ADAMTS19: variants seen among roughly 807,000 people sequenced by gnomAD.
ADAMTS19 encodes the protein A disintegrin and metalloproteinase with thrombospondin motifs 19.
In ADAMTS19, 93 loss-of-function variants were observed where a neutral mutation model predicts 153.3. The ratio of observed to expected loss-of-function variants is 0.61; its 90% CI spans 0.51 to 0.72. ADAMTS19 has a LOEUF of 0.72. ADAMTS19 is among the 30% of genes least tolerant of loss of function. The probability of loss-of-function intolerance (pLI) is 0.00; values close to 1 mark genes in which losing one functional copy is unlikely to be tolerated. For synonymous variants in ADAMTS19, 600 were observed against 556.6 expected, an observed-to-expected ratio of 1.08 and a Z score of -1.10; for missense variants, 1,482 against 1,552.1, an observed-to-expected ratio of 0.95 and a Z score of 0.76.
At chr5:129,552,625 T>A (rs2126825215) in intron 7 of ADAMTS19, among the ~76,000 whole-genome samples, 1 of 152,002 alleles carries the variant, frequency 6.6e-6, no homozygotes, top group East Asian at 1.9e-4. Flanking sequence ...AATTTTGGCA[T>A]ATCATGTAGG....
intron 19 of ADAMTS19, 54 bp from the exon 20 acceptor site, chr5:129,701,334 C>A: frequency 1.9e-6 from 3 of 1,589,216 alleles, no homozygotes; most frequent in Non-Finnish European, 2.6e-6. Flanking sequence ...CAGACTAATA[C>A]AAGTAGATAG....
At chr5:129,465,515 T>C (rs1749826356) in intron 2 of ADAMTS19, among the ~76,000 whole-genome samples, 1 of 152,208 alleles carries the variant, frequency 6.6e-6, no homozygotes, top group East Asian at 1.9e-4. Flanking sequence ...GTCTTTTTGA[T>C]TAGCTTTTGA....
intron 2 of ADAMTS19, among the ~76,000 whole-genome samples, chr5:129,499,981 G>T (rs1193357452): frequency 6.6e-6 from 1 of 152,160 alleles, no homozygotes; most frequent in East Asian, 1.9e-4. Context: ...AGACTCAAGG[G>T]TCATAATAAA....
chr5:129,691,177 A>C (rs1347564303), intron 18 of ADAMTS19, among the ~76,000 whole-genome samples: 1 of 152,246 alleles, frequency 6.6e-6, no homozygotes, highest in Non-Finnish European at 1.5e-5. Context: ...AAATTTCCAA[A>C]GCACAAAGAG....
chr5:129,543,350 C>A (rs957019110), intron 6 of ADAMTS19, among the ~76,000 whole-genome samples: 8 of 151,974 alleles, frequency 5.3e-5, no homozygotes, highest in African/African-American at 1.9e-4. Flanking sequence ...CTGCACCCAG[C>A]CTGGATTAAC....
At chr5:129,707,604 A>C (rs1756227221) in intron 21 of ADAMTS19, among the ~76,000 whole-genome samples, 1 of 152,200 alleles carries the variant, frequency 6.6e-6, no homozygotes, top group Non-Finnish European at 1.5e-5. Flanking sequence ...TGCCATGATT[A>C]AGTTTCAGTG....
chr5:129,598,828 C>T (rs576636412), intron 8 of ADAMTS19, among the ~76,000 whole-genome samples: 2 of 152,254 alleles, frequency 1.3e-5, no homozygotes, highest in African/African-American at 4.8e-5. Flanking sequence ...TGCATATCCC[C>T]AAATCCATGC....
intron 6 of ADAMTS19, among the ~76,000 whole-genome samples, chr5:129,551,155 A>T (rs1429525019): frequency 6.6e-6 from 1 of 151,692 alleles, no homozygotes; most frequent in Non-Finnish European, 1.5e-5. Flanking sequence ...CTAAGATCAC[A>T]TAGCTAGTAA....
At chr5:129,671,035 G>C (rs1160888362) in intron 16 of ADAMTS19, among the ~76,000 whole-genome samples, 1 of 152,144 alleles carries the variant, frequency 6.6e-6, no homozygotes, top group East Asian at 1.9e-4. Flanking sequence ...CTGCTCTGGA[G>C]ATTAAATCAA....
rs543029309 is a variant in ADAMTS19 at position 129,556,275 on chromosome 5, G to A, written c.1372+4368G>A. Among the ~76,000 whole-genome samples, 12 of 152,188 alleles carry A rather than the reference G, an allele frequency of 7.9e-5. No individual in the cohort carries two copies. The East Asian group carries it at 2.1e-3, about 27-fold the overall frequency. ...ATGTGCATTTTCCTTTTAAATCCCT[G>A]AAATTAGGATTCATTTCACAATGAA... On this transcript the variant is annotated intron_variant, in intron 7 of 22. Coordinates refer to ENST00000274487, the MANE Select transcript of ADAMTS19 (RefSeq NM_133638.6).
intron 8 of ADAMTS19, among the ~76,000 whole-genome samples, chr5:129,602,139 C>T (rs36032085): frequency 1.3e-5 from 2 of 152,224 alleles, no homozygotes; most frequent in African/African-American, 4.8e-5. Flanking sequence ...GTTGCCCAGG[C>T]TGGAGTGCAA....
chr5:129,503,711 C>T (rs2126715049), intron 2 of ADAMTS19, among the ~76,000 whole-genome samples: 1 of 152,014 alleles, frequency 6.6e-6, no homozygotes. Context: ...GCCTGTGATC[C>T]CAACTACTAG....
At chr5:129,652,332 C>T (rs1019067660) in intron 13 of ADAMTS19, among the ~76,000 whole-genome samples, 1 of 152,190 alleles carries the variant, frequency 6.6e-6, no homozygotes, top group African/African-American at 2.4e-5. Context: ...ATACAAGTGG[C>T]TGTATCTGTT....
intron 8 of ADAMTS19, among the ~76,000 whole-genome samples, chr5:129,613,611 T>C (rs999964533): frequency 6.6e-6 from 1 of 151,876 alleles, no homozygotes; most frequent in African/African-American, 2.4e-5. Flanking sequence ...CACCCTAACA[T>C]CACAATTAAA....
rs1193663606 is a variant in ADAMTS19 at position 129,737,369 on chromosome 5, G to T, written c.*151G>T. 2.6e-5 allele frequency: 20 copies of T among 779,332 alleles called. No individual in the cohort carries two copies. Among genetic ancestry groups the T allele is most frequent in the Non-Finnish European group, 3.6e-5 (20 of 563,250 alleles). 48.3% of individuals were successfully genotyped at this position (779,332 alleles called of 1,614,324 possible). A position where few individuals can be genotyped will look rare whatever the true frequency, so the allele number is the denominator to read the frequency against. ...TTGCCTGCCAAACATCCAATGTGGT[G>T]CTTGTTTTGGTTACACAAACATTTT... On this transcript the variant is annotated 3_prime_UTR_variant, in exon 23 of 23. Coordinates refer to ENST00000274487, the MANE Select transcript of ADAMTS19 (RefSeq NM_133638.6).
chr5:129,692,147 G>A (rs368349002), intron 18 of ADAMTS19, among the ~76,000 whole-genome samples: 16 of 151,946 alleles, frequency 1.1e-4, no homozygotes, highest in East Asian at 9.7e-4. Context: ...TTTGGCTATC[G>A]CATCATAATA....
intron 21 of ADAMTS19, among the ~76,000 whole-genome samples, chr5:129,706,869 G>T (rs1402157980): frequency 6.6e-6 from 1 of 152,068 alleles, no homozygotes; most frequent in East Asian, 1.9e-4. Context: ...GGTTTTTTAT[G>T]CTAAACTAAA....
chr5:129,648,608 G>A (rs550949523), intron 12 of ADAMTS19, among the ~76,000 whole-genome samples, 190 bp from the exon 13 acceptor site: 3 of 152,046 alleles, frequency 2.0e-5, no homozygotes, highest in East Asian at 1.9e-4. Context: ...ATTGATCAAG[G>A]ATTAGAAAAT....
chr5:129,681,835 A>G (rs1196588189), intron 17 of ADAMTS19, among the ~76,000 whole-genome samples: 2 of 152,204 alleles, frequency 1.3e-5, no homozygotes, highest in South Asian at 2.1e-4. Flanking sequence ...GCCTTATGCC[A>G]TCTAGCGAGA....
Sources: gnomAD v4.1 joint callset for allele counts (sites outside exome capture counted in the v4.1 genomes callset) on GRCh38, gnomAD v4.1.1 for gene constraint, MANE v1.5 for transcripts, NCBI Gene and HGNC (gene_info 2026-07-23, HGNC 2026-07-21) for gene names.